Variants in CDH4 observed in about 807,000 individuals in gnomAD.
CDH4 encodes cadherin-4.
In CDH4, 33 loss-of-function variants were observed where a neutral mutation model predicts 86.0. The ratio of observed to expected loss-of-function variants is 0.38; its 90% CI spans 0.29 to 0.51. The LOEUF is 0.51. Ranked by LOEUF, CDH4 falls within the 20% of genes least tolerant of loss-of-function variation. The pLI is 0.86. For synonymous variants in CDH4, 555 were observed against 549.4 expected (o/e 1.01, Z -0.14); for missense variants, 1,114 against 1,307.4 (o/e 0.85, Z 2.28).
chr20:61,670,627 C>CACTT (rs2087376044), intron 2 of CDH4, among the ~76,000 whole-genome samples: 1 of 152,222 alleles, frequency 6.6e-6, no homozygotes, highest in South Asian at 2.1e-4. Context: ...AAGTGCAAAG[C>CACTT]ACTTGTTTTT....
chr20:61,311,881 C>T (rs1450400349), intron 2 of CDH4, among the ~76,000 whole-genome samples: 1 of 152,258 alleles, frequency 6.6e-6, no homozygotes, highest in Admixed American at 6.5e-5. Flanking sequence ...GGCACAGCAC[C>T]CTGGCTTCCT....
chr20:61,477,163 G>A (rs534315753), intron 2 of CDH4, among the ~76,000 whole-genome samples: 27 of 152,342 alleles, frequency 1.8e-4, no homozygotes, highest in South Asian at 4.1e-4. Context: ...GCCTGCCAGC[G>A]GAATCCTGTG....
chr20:61,281,608 A>G (rs1639871001), intron 2 of CDH4, among the ~76,000 whole-genome samples: 1 of 152,232 alleles, frequency 6.6e-6, no homozygotes, highest in South Asian at 2.1e-4. Context: ...GCCTCCCGGC[A>G]GCCATACATG....
chr20:61,580,369 T>G (rs1190432234), intron 2 of CDH4, among the ~76,000 whole-genome samples: 2 of 152,102 alleles, frequency 1.3e-5, no homozygotes, highest in East Asian at 1.9e-4. Flanking sequence ...GCAGGAGAAT[T>G]GCTGGCCACC....
chr20:61,848,043 A>G (rs982017706), intron 5 of CDH4, among the ~76,000 whole-genome samples: 1 of 152,262 alleles, frequency 6.6e-6, no homozygotes, highest in Non-Finnish European at 1.5e-5. Context: ...TGCCTAATGC[A>G]TATGCAGAGC....
chr20:61,353,677 C>CCATTACCCCTTCTCCTCCTCCGCT (rs2084728549), intron 2 of CDH4, among the ~76,000 whole-genome samples: 1 of 50,082 alleles, frequency 2.0e-5, no homozygotes, highest in Non-Finnish European at 4.3e-5. Context: ...CTTCCCCCTC[C>CCATTACCCCTTCTCCTCCTCCGCT]TCCTCCCCCT....
chr20:61,669,307 A>G (rs2087361297), intron 2 of CDH4, among the ~76,000 whole-genome samples: 1 of 152,240 alleles, frequency 6.6e-6, no homozygotes, highest in African/African-American at 2.4e-5. Flanking sequence ...ACAAGTGCCA[A>G]GGCAAGCCTG....
At chr20:61,642,923 A>C (rs2087026303) in intron 2 of CDH4, among the ~76,000 whole-genome samples, 2 of 152,058 alleles carry the variant, frequency 1.3e-5, no homozygotes, top group Admixed American at 1.3e-4. Context: ...CCTTTTAAGG[A>C]TCCTTGTGAT....
chr20:61,884,192 C>T (rs927042567), intron 7 of CDH4, among the ~76,000 whole-genome samples: 6 of 152,140 alleles, frequency 3.9e-5, no homozygotes, highest in Admixed American at 6.5e-5. Context: ...AGGCTCTGGG[C>T]CACCAGTGAA....
At chr20:61,859,017 C>T (rs1983199770) in intron 6 of CDH4, among the ~76,000 whole-genome samples, 1 of 152,208 alleles carries the variant, frequency 6.6e-6, no homozygotes. Context: ...CCCCATCGCA[C>T]ACTCATCCCG....
intron 2 of CDH4, among the ~76,000 whole-genome samples, chr20:61,282,925 C>T (rs1328978699): frequency 6.9e-6 from 1 of 145,064 alleles, no homozygotes; most frequent in Non-Finnish European, 1.5e-5. Context: ...GATGTACGTG[C>T]ATTTGCACGC....
chr20:61,351,861 C>T (rs1011157613), intron 2 of CDH4, among the ~76,000 whole-genome samples: 1 of 152,054 alleles, frequency 6.6e-6, no homozygotes, highest in Admixed American at 6.5e-5. Context: ...GGACTATGGG[C>T]AGGCGCCACC....
At chr20:61,844,526 A>G (rs1003100530) in intron 4 of CDH4, 142 bp from the exon 5 acceptor site, 2 of 747,960 alleles carry the variant, frequency 2.7e-6, no homozygotes, top group African/African-American at 3.6e-5. Context: ...CCCAAAGTGG[A>G]TGAAAGATCA....
intron 2 of CDH4, among the ~76,000 whole-genome samples, chr20:61,323,156 G>A (rs2427083): frequency 0.42 from 63,664 of 152,024 alleles, 13,863 homozygotes; most frequent in East Asian, 0.48. Flanking sequence ...ATTCCCTTGC[G>A]GCACGGGGTC....
At chr20:61,904,238 C>T (rs1384214049) in intron 8 of CDH4, among the ~76,000 whole-genome samples, 2 of 152,152 alleles carry the variant, frequency 1.3e-5, no homozygotes, top group Non-Finnish European at 2.9e-5. Context: ...CTGGAAGGGG[C>T]GCAGGCGTGC....
At chr20:61,787,309 G>T (rs1311822131) in intron 4 of CDH4, among the ~76,000 whole-genome samples, 2 of 152,188 alleles carry the variant, frequency 1.3e-5, no homozygotes, top group African/African-American at 2.4e-5. Flanking sequence ...GTCTGGGGAG[G>T]CCTCAGGAAA....
intron 3 of CDH4, among the ~76,000 whole-genome samples, chr20:61,759,646 A>G (rs1185036626): frequency 6.6e-6 from 1 of 150,802 alleles, no homozygotes; most frequent in Admixed American, 6.6e-5. Context: ...TTAACTTGCT[A>G]ATTTAATTTA....
intron 7 of CDH4, among the ~76,000 whole-genome samples, chr20:61,875,970 C>T (rs762887212): frequency 6.6e-5 from 10 of 152,182 alleles, no homozygotes; most frequent in Non-Finnish European, 1.0e-4. Context: ...GTGAGCAGCT[C>T]GTTTCCACAG....
Position 61,622,063 on chromosome 20 carries a change from C to T in CDH4, c.170-121500C>T, listed in dbSNP as rs118083921. On this transcript the variant is annotated intron_variant, in intron 2 of 15. Coordinates refer to ENST00000614565, the MANE Select transcript of CDH4 (RefSeq NM_001794.5). ...CGTCTTGCCCTATCACGGCAGGCCT[C>T]CTATTAGGATCAATACTCAAGGGTT... Among the ~76,000 whole-genome samples the T allele has an allele frequency of 5.7e-3, 870 of 152,318 alleles. 3 individuals are homozygous for T. Among genetic ancestry groups the T allele is most frequent in the Middle Eastern group, 0.014 (4 of 294 alleles).
Sources: allele counts gnomAD v4.1 joint callset (sites outside exome capture counted in the v4.1 genomes callset), GRCh38; gene constraint gnomAD v4.1.1; transcripts MANE v1.5; gene names NCBI Gene and HGNC (gene_info 2026-07-23, HGNC 2026-07-21).